Variants in TTC28 observed in about 807,000 individuals in gnomAD.
The protein encoded by TTC28 is tetratricopeptide repeat protein 28.
A neutral mutation model predicts 198.0 loss-of-function variants in TTC28; 61 were observed. The observed-to-expected ratio is 0.31, with a 90% confidence interval of 0.25 to 0.38. The LOEUF is 0.38. TTC28 is among the 10% of genes least tolerant of loss of function. The pLI, the probability that TTC28 is intolerant of heterozygous loss-of-function variation, is 1.00. For missense variants in TTC28, 2,678 were observed against 3,164.0 expected (o/e 0.85, Z 3.69); for synonymous variants, 1,171 against 1,297.8 (o/e 0.90, Z 2.10).
In TTC28 at chr22:28,014,527, A is replaced by G. The variant is rs1938286591; in HGVS notation, c.4074-135T>C. The G allele has an allele frequency of 8.0e-6, 8 of 1,001,610 alleles. No homozygotes were observed. The East Asian group carries it at 2.2e-4, about 28-fold the overall frequency. The allele number at this position is 1,001,610 out of a possible 1,614,324, so 62.0% of individuals were successfully genotyped here. A position where few individuals can be genotyped will look rare whatever the true frequency, so the allele number is the denominator to read the frequency against. On this transcript the variant is annotated intron_variant, in intron 13 of 22. Coordinates refer to ENST00000397906, the MANE Select transcript of TTC28 (RefSeq NM_001145418.2). Reference sequence around the variant, plus strand: ...CAGCAACCCCGCCAGCCTCCCTCCCAGCTCCGTTCCCTTCTCTTCCCTTTC... The same window carrying G: ...CAGCAACCCCGCCAGCCTCCCTCCCGGCTCCGTTCCCTTCTCTTCCCTTTC...
intron 3 of TTC28, among the ~76,000 whole-genome samples, chr22:28,298,719 G>A (rs1331968956): frequency 2.0e-5 from 3 of 152,048 alleles, no homozygotes; most frequent in African/African-American, 7.2e-5. Context: ...CCAAAGTGCT[G>A]AGATTACCAG....
chr22:28,341,338 A>G (rs949220784), intron 2 of TTC28, among the ~76,000 whole-genome samples: 2 of 152,164 alleles, frequency 1.3e-5, no homozygotes, highest in African/African-American at 4.8e-5. Context: ...AGCTTTTGCA[A>G]TTTTGAATGA....
chr22:28,518,361 A>C (rs1458861365), intron 2 of TTC28, among the ~76,000 whole-genome samples: 1 of 152,186 alleles, frequency 6.6e-6, no homozygotes, highest in Admixed American at 6.5e-5. Context: ...CGCATCTGTA[A>C]TCCCAGCGCT....
At chr22:28,162,336 C>T (rs1921310375) in intron 6 of TTC28, among the ~76,000 whole-genome samples, 2 of 152,066 alleles carry the variant, frequency 1.3e-5, no homozygotes, top group African/African-American at 4.8e-5. Context: ...TTTTTGAATA[C>T]ACATAATTTT....
Position 27,982,518 on chromosome 22 carries a change from G to A in TTC28, c.7149C>T (p.Gly2383=). 6.4e-7 allele frequency: 1 copy of A among 1,551,722 alleles called. No individual in the cohort carries two copies. Among genetic ancestry groups the A allele is most frequent in the Non-Finnish European group, 8.7e-7 (1 of 1,147,000 alleles). The change falls in exon 23 of 23, where the codon GGC becomes GGT. Residue 2383 remains glycine, a synonymous_variant. Transcript: ENST00000397906. The surrounding 1 kb of genome is among the most constrained non-coding windows in gnomAD (Gnocchi z 5.2). Reference sequence around the variant, plus strand: ...GGACATCCCTTTTGGAAGTCATCGTGCCAGGAGCCCCCCGGAAGATCTTCA... The same window carrying A: ...GGACATCCCTTTTGGAAGTCATCGTACCAGGAGCCCCCCGGAAGATCTTCA... ...GPMKIFRGAP[G]TMTSKRDVLS...
intron 2 of TTC28, among the ~76,000 whole-genome samples, chr22:28,425,183 A>G (rs918304961): frequency 4.6e-5 from 7 of 152,232 alleles, no homozygotes; most frequent in South Asian, 2.1e-4. Flanking sequence ...GTATCAGAAT[A>G]TGAATTAATC....
chr22:28,200,796 C>G (rs1249614516), intron 5 of TTC28, among the ~76,000 whole-genome samples: 1 of 152,150 alleles, frequency 6.6e-6, no homozygotes, highest in Non-Finnish European at 1.5e-5. Context: ...TAGGTAGGAG[C>G]AGGATTATAA....
intron 2 of TTC28, among the ~76,000 whole-genome samples, chr22:28,506,688 C>G (rs904447519): frequency 6.6e-6 from 1 of 152,210 alleles, no homozygotes; most frequent in African/African-American, 2.4e-5. Flanking sequence ...TCCCCTGGGA[C>G]AGAGCATTCA....
intron 2 of TTC28, among the ~76,000 whole-genome samples, chr22:28,428,242 C>A (rs760221024): frequency 6.6e-6 from 1 of 151,798 alleles, no homozygotes; most frequent in Non-Finnish European, 1.5e-5. Context: ...CAGAGAAAAT[C>A]AAGCTATGGA....
At chr22:28,517,929 A>C (rs8140465) in intron 2 of TTC28, among the ~76,000 whole-genome samples, 10 of 152,118 alleles carry the variant, frequency 6.6e-5, no homozygotes, top group East Asian at 3.9e-4. Flanking sequence ...CATTTTTAAA[A>C]TTTTTATTTT....
At chr22:28,166,057 C>A (rs1921899959) in intron 5 of TTC28, among the ~76,000 whole-genome samples, 1 of 152,070 alleles carries the variant, frequency 6.6e-6, no homozygotes, top group African/African-American at 2.4e-5. Context: ...GACTTTAAAC[C>A]AACAAAGATC....
chr22:28,047,756 G>A (rs973570695), intron 12 of TTC28, among the ~76,000 whole-genome samples: 8 of 152,132 alleles, frequency 5.3e-5, no homozygotes, highest in African/African-American at 1.9e-4. Context: ...TGGCAACAAT[G>A]GAACAAACCC....
At chr22:28,539,723 A>AAAGGC (rs1426404743) in intron 2 of TTC28, among the ~76,000 whole-genome samples, 6 of 151,486 alleles carry the variant, frequency 4.0e-5, no homozygotes, top group Non-Finnish European at 7.4e-5. Flanking sequence ...AACAAGCCAC[A>AAAGGC]AAGGCCCAGG....
chr22:28,373,849 T>G (rs1396529246), intron 2 of TTC28, among the ~76,000 whole-genome samples: 1 of 152,190 alleles, frequency 6.6e-6, no homozygotes, highest in African/African-American at 2.4e-5. Flanking sequence ...TTTGTTTTGC[T>G]TCTGAAAGCA....
intron 5 of TTC28, among the ~76,000 whole-genome samples, chr22:28,182,952 T>TGA (rs1923845737): frequency 1.3e-5 from 2 of 152,202 alleles, no homozygotes; most frequent in Non-Finnish European, 2.9e-5. Context: ...GACTAGGATC[T>TGA]ACTTTTCTCC....
intron 1 of TTC28, among the ~76,000 whole-genome samples, chr22:28,648,931 G>GGA (rs148966380): frequency 0.073 from 10,892 of 149,276 alleles, 614 homozygotes; most frequent in African/African-American, 0.16. Context: ...GAAAAGAAAA[G>GGA]GAGAGAGAGA....
intron 2 of TTC28, among the ~76,000 whole-genome samples, chr22:28,388,682 C>A (rs1458783312): frequency 6.6e-6 from 1 of 152,182 alleles, no homozygotes; most frequent in Non-Finnish European, 1.5e-5. Flanking sequence ...GACTTTTGTA[C>A]ATTGATTTTG....
intron 12 of TTC28, among the ~76,000 whole-genome samples, chr22:28,035,328 G>A (rs1482206733): frequency 1.3e-5 from 2 of 152,168 alleles, no homozygotes; most frequent in African/African-American, 2.4e-5. Context: ...CTCCTACACC[G>A]CTGGCCCCGT....
intron 5 of TTC28, among the ~76,000 whole-genome samples, chr22:28,278,042 T>C (rs2044504321): frequency 6.6e-6 from 1 of 152,176 alleles, no homozygotes; most frequent in Non-Finnish European, 1.5e-5. Context: ...TGTCAGGTTA[T>C]ACCTGTTTCT....
Sources: allele counts gnomAD v4.1 joint callset (sites outside exome capture counted in the v4.1 genomes callset), GRCh38; gene constraint gnomAD v4.1.1; non-coding constraint Gnocchi (gnomAD v3.1); transcripts MANE v1.5; gene names NCBI Gene and HGNC (gene_info 2026-07-23, HGNC 2026-07-21).